RPTN: variants seen among roughly 807,000 people sequenced by gnomAD.
RPTN encodes the protein repetin.
A neutral mutation model predicts 3.6 loss-of-function variants in RPTN; 4 were observed. That is an observed-to-expected ratio of 1.12 (90% CI 0.55 to 2.55). The LOEUF (loss-of-function observed/expected upper bound fraction) is 2.55. Ranked by LOEUF, RPTN falls within the 30% of genes most tolerant of loss-of-function variation. The pLI is 0.02. For synonymous variants in RPTN, 293 were observed against 319.3 expected (o/e 0.92, Z 0.88); for missense variants, 860 against 916.7 (o/e 0.94, Z 0.80).
Position 152,155,528 on chromosome 1 carries a change from C to G in RPTN, c.1571G>C (p.Gly524Ala). The G allele has an allele frequency of 6.2e-7, 1 of 1,610,084 alleles. No individual in the cohort carries two copies. The highest frequency in any genetic ancestry group is 8.5e-7 in the Non-Finnish European group (1 of 1,178,436). ...TDRQGQSFHY[G>A]QPDRQGQSSH... Reference sequence around the variant, plus strand: ...ACTCTGGCCTTGTCTGTCTGGCTGACCATAGTGGAAACTCTGGCCTTGTCT... The same window carrying G: ...ACTCTGGCCTTGTCTGTCTGGCTGAGCATAGTGGAAACTCTGGCCTTGTCT... Residue 524 changes from glycine (G) to alanine (A), a missense_variant, in exon 3 of 3, where the codon GGT becomes GCT. By Grantham distance (60) the Gly-to-Ala change is moderately conservative (BLOSUM62 0). Transcript: ENST00000316073.
chr1:152,153,971 A>T lies in RPTN; in HGVS notation c.*773T>A, dbSNP rs1557823302. On this transcript the variant is annotated 3_prime_UTR_variant, in exon 3 of 3. Transcript: ENST00000316073. ...TTGAAATTCCTGATGTTTTATCCAC[A>T]GGAGCCAAAGCTCACCAAATCTAGG... 6.6e-6 allele frequency: 1 copy of T among 152,364 alleles called. No homozygotes were observed. The highest frequency in any genetic ancestry group is 1.9e-4 in the East Asian group (1 of 5,206). 9.4% of individuals were successfully genotyped at this position (152,364 alleles called of 1,614,324 possible).
chr1:152,158,389 G>C (rs1167849794), intron 1 of RPTN, among the ~76,000 whole-genome samples: 4 of 152,188 alleles, frequency 2.6e-5, no homozygotes, highest in African/African-American at 9.7e-5. Context: ...AAGGAAGAAG[G>C]CTGAAAGTCT....
chr1:152,156,051 C>A lies in RPTN; in HGVS notation c.1048G>T (p.Gly350Cys), dbSNP rs1659193731. 1 of 1,613,402 alleles carries A rather than the reference C, an allele frequency of 6.2e-7. No homozygotes were observed. Among genetic ancestry groups the A allele is most frequent in the Non-Finnish European group, 8.5e-7 (1 of 1,180,000 alleles). The change falls in exon 3 of 3, where the codon GGC (glycine) becomes TGC (cysteine). Residue 350 changes from glycine to cysteine, a missense_variant. Gly to Cys is a radical substitution (Grantham distance 159, BLOSUM62 -3). Coordinates refer to ENST00000316073, the MANE Select transcript of RPTN (RefSeq NM_001122965.1). ...SSHYGQMDRKGQCYHYDQTNR... is the reference protein window; with the variant it reads ...SSHYGQMDRKCQCYHYDQTNR... ...GTCTGATCATAATGATAACACTGGCCTTTTCTGTCCATTTGACCATAGTGG... is the reference window on the plus strand; with the variant it reads ...GTCTGATCATAATGATAACACTGGCATTTTCTGTCCATTTGACCATAGTGG...
chr1:152,154,678 C>T lies in RPTN; in HGVS notation c.*66G>A. 1 of 1,567,800 alleles carries T rather than the reference C, an allele frequency of 6.4e-7. No individual in the cohort carries two copies. The highest frequency in any genetic ancestry group is 8.7e-7 in the Non-Finnish European group (1 of 1,155,296). ...TCTGAGATCCTTGATACCTCTCTTTCTCCTCATAGTTTTGTCTATTATGTT... is the reference window on the plus strand; with the variant it reads ...TCTGAGATCCTTGATACCTCTCTTTTTCCTCATAGTTTTGTCTATTATGTT... On this transcript the variant is annotated 3_prime_UTR_variant, in exon 3 of 3. Transcript: ENST00000316073.
rs202081882 is a variant in RPTN, at chr1:152,155,618, T to C, written c.1481A>G (p.Asp494Gly). The change falls in exon 3 of 3, where the codon GAC (aspartate) becomes GGC (glycine). Residue 494 changes from aspartate (D) to glycine (G), a missense_variant. By Grantham distance (94) the Asp-to-Gly change is moderately conservative. Coordinates refer to ENST00000316073, the MANE Select transcript of RPTN (RefSeq NM_001122965.1). ...SSHYGKIDRQ[D>G]QSYHYGQPDG... ...TGGCTGACCATAATGATAACTCTGGTCTTGTCTGTCTATCTTACCATAGTG... is the reference window on the plus strand; with the variant it reads ...TGGCTGACCATAATGATAACTCTGGCCTTGTCTGTCTATCTTACCATAGTG... 1.5e-5 allele frequency: 24 copies of C among 1,581,146 alleles called. No homozygotes were observed. The highest frequency in any genetic ancestry group is 3.3e-4 in the Middle Eastern group (2 of 5,984).
chr1:152,154,598 A>C lies in RPTN; in HGVS notation c.*146T>G. ...GCCTTGGCTCTGGTCATCCTCTTTC[A>C]TGTGGAATTTTTCTCTGTTAGGACA... On this transcript the variant is annotated 3_prime_UTR_variant, in exon 3 of 3. Transcript: ENST00000316073. 8.9e-7 allele frequency: 1 copy of C among 1,120,872 alleles called. No individual in the cohort carries two copies. Among genetic ancestry groups the C allele is most frequent in the Non-Finnish European group, 1.3e-6 (1 of 775,494 alleles). 69.4% of individuals were successfully genotyped at this position (1,120,872 alleles called of 1,614,324 possible).
chr1:152,157,312 G>A (rs1262763866), intron 2 of RPTN, among the ~76,000 whole-genome samples: 4 of 152,174 alleles, frequency 2.6e-5, no homozygotes, highest in Non-Finnish European at 5.9e-5. Flanking sequence ...GGGAGGGGGA[G>A]CTGATTTTAT....
chr1:152,156,226 C>T lies in RPTN; in HGVS notation c.873G>A (p.Gln291=). 1 of 1,614,158 alleles carries T rather than the reference C, an allele frequency of 6.2e-7. No homozygotes were observed. The highest frequency in any genetic ancestry group is 8.5e-7 in the Non-Finnish European group (1 of 1,180,030). The change falls in exon 3 of 3, where the codon CAG becomes CAA. Residue 291 remains glutamine, a synonymous_variant. Coordinates refer to ENST00000316073, the MANE Select transcript of RPTN (RefSeq NM_001122965.1). ...TGTCCGTCTGACCGTAGTGGGAACT[C>T]TGGCCTTGTCTGTCTGTCTGACCAC... ...LGCGQTDRQG[Q]SSHYGQTDRQ... is the part of the protein sequence containing the mutation.
Position 152,154,521 on chromosome 1 carries a change from TC to T in RPTN, c.*222del. The stretch of plus-strand genomic sequence containing the variant: ...CCACGCTGTTCTCTGGTTTGGGGCC[TC>T]CCACTGCTCTGGGTTGGATAGAAGG... On this transcript the variant is annotated 3_prime_UTR_variant, in exon 3 of 3. Transcript: ENST00000316073. 4.5e-6 allele frequency: 3 copies of T among 664,270 alleles called. No homozygotes were observed. Among genetic ancestry groups the T allele is most frequent in the Admixed American group, 3.0e-5 (1 of 33,080 alleles). 41.1% of individuals were successfully genotyped at this position (664,270 alleles called of 1,614,324 possible). A position where few individuals can be genotyped will look rare whatever the true frequency, so the allele number is the denominator to read the frequency against.
rs1216748613 is a variant in RPTN at position 152,156,838 on chromosome 1, A to C, written c.261T>G (p.His87Gln). 1.2e-6 allele frequency: 2 copies of C among 1,614,174 alleles called. No individual in the cohort carries two copies. Among genetic ancestry groups the C allele is most frequent in the South Asian group, 2.2e-5 (2 of 91,082 alleles). The change falls in exon 3 of 3, where the codon CAT becomes CAG. Residue 87 changes from histidine to glutamine, a missense_variant. By Grantham distance (24) the His-to-Gln change is conservative. Coordinates refer to ENST00000316073, the MANE Select transcript of RPTN (RefSeq NM_001122965.1). ...LVFQLVQACYHKLDNKSHGGR... is the reference protein window; with the variant it reads ...LVFQLVQACYQKLDNKSHGGR... ...CTCCATGTGACTTATTGTCTAGCTT[A>C]TGATAGCAGGCTTGGACCAACTGGA...
Position 152,156,427 on chromosome 1 carries a change from A to G in RPTN, c.672T>C (p.His224=). 1 of 1,614,272 alleles carries G rather than the reference A, an allele frequency of 6.2e-7. No homozygotes were observed. Among genetic ancestry groups the G allele is most frequent in the Non-Finnish European group, 8.5e-7 (1 of 1,180,058 alleles). Residue 224 remains histidine, a synonymous_variant, in exon 3 of 3, where the codon CAT becomes CAC. Transcript: ENST00000316073. The part of the protein sequence containing the change: ...STSGQAKWQG[H]IFALNRCEKP... ...TTTCACACCGATTTAAGGCAAAGAT[A>G]TGTCCCTGCCATTTAGCCTGGCCAC... is the stretch of plus-strand genomic sequence containing the variant.
Position 152,156,420 on chromosome 1 carries a change from C to G in RPTN, c.679G>C (p.Ala227Pro), listed in dbSNP as rs763762951. ...GQAKWQGHIF[A>P]LNRCEKPIQD... ...ATTGGTTTTTCACACCGATTTAAGGCAAAGATATGTCCCTGCCATTTAGCC... is the reference window on the plus strand; with the variant it reads ...ATTGGTTTTTCACACCGATTTAAGGGAAAGATATGTCCCTGCCATTTAGCC... The change falls in exon 3 of 3, where the codon GCC becomes CCC. Residue 227 changes from alanine to proline, a missense_variant. Transcript: ENST00000316073. The G allele has an allele frequency of 9.9e-6, 16 of 1,614,144 alleles. No homozygotes were observed. In the East Asian group the frequency reaches 3.3e-4, roughly 34 times the overall value.
At chr1:152,158,562 T>C (rs996199047) in intron 1 of RPTN, among the ~76,000 whole-genome samples, 2 of 152,128 alleles carry the variant, frequency 1.3e-5, no homozygotes, top group African/African-American at 4.8e-5. Context: ...GCACAGATTA[T>C]AGGAGGTATA....
Position 152,154,729 on chromosome 1 carries a change from A to T in RPTN, c.*15T>A. On this transcript the variant is annotated 3_prime_UTR_variant, in exon 3 of 3. Transcript: ENST00000316073. ...GTTGCTGATGGTTTTGATCCTCTTC[A>T]TGAGTTTGCCTGTCTCATCTCTGAT... is the stretch of plus-strand genomic sequence containing the variant. 6.2e-7 allele frequency: 1 copy of T among 1,612,798 alleles called. No homozygotes were observed. The highest frequency in any genetic ancestry group is 8.5e-7 in the Non-Finnish European group (1 of 1,179,420).
chr1:152,153,832 G>T lies in RPTN; in HGVS notation c.*912C>A, dbSNP rs908632416. 1 of 152,412 alleles carries T rather than the reference G, an allele frequency of 6.6e-6. No homozygotes were observed. The highest frequency in any genetic ancestry group is 1.5e-5 in the Non-Finnish European group (1 of 68,036). The allele number at this position is 152,412 out of a possible 1,614,324, so 9.4% of individuals were successfully genotyped here. On this transcript the variant is annotated 3_prime_UTR_variant, in exon 3 of 3. Coordinates refer to ENST00000316073, the MANE Select transcript of RPTN (RefSeq NM_001122965.1). ...TAGGCACTAATGGACAGTCCCTCTG[G>T]TGTGGAATAAGAGCCTGGCATGGGA...
intron 1 of RPTN, 136 bp from the exon 2 acceptor site, chr1:152,158,045 C>T (rs1659242037): frequency 1.5e-6 from 1 of 653,054 alleles, no homozygotes; most frequent in Non-Finnish European, 2.6e-6. Context: ...GTACCCCTTC[C>T]TTGCCCTGAC....
chr1:152,155,548 TTGTC>T lies in RPTN; in HGVS notation c.1547_1550del (p.Arg516LysfsTer103), dbSNP rs757743659. On this transcript the variant is annotated frameshift_variant, in exon 3 of 3. Transcript: ENST00000316073. LOFTEE classifies it low-confidence loss of function (END_TRUNC). ...GCTGACCATAGTGGAAACTCTGGCC[TTGTC>T]TGTCTGTCTGACCATAGTGGGAACT... The T allele has an allele frequency of 1.2e-6, 2 of 1,611,778 alleles. No individual in the cohort carries two copies. Among genetic ancestry groups the T allele is most frequent in the South Asian group, 1.1e-5 (1 of 90,804 alleles).
At position 152,155,993 on chromosome 1, in the gene RPTN, T is replaced by C; in HGVS notation, c.1106A>G (p.Gln369Arg). ...GGAACTCTGACCTTGTCTGTTTGGT[T>C]GACTGTAGTGGGAACCCTGGCCTTG... Reference protein sequence around the residue: ...NRQGQGSHYSQPNRQGQSSHY... With the variant: ...NRQGQGSHYSRPNRQGQSSHY... The change falls in exon 3 of 3, where the codon CAA (glutamine) becomes CGA (arginine). Residue 369 changes from glutamine to arginine, a missense_variant. Gln to Arg is a conservative substitution (Grantham distance 43). Transcript: ENST00000316073. The C allele has an allele frequency of 6.2e-7, 1 of 1,613,688 alleles. No individual in the cohort carries two copies. The highest frequency in any genetic ancestry group is 1.1e-5 in the South Asian group (1 of 91,084).
In RPTN at chr1:152,155,172, G is replaced by T. The variant is rs1232816486; in HGVS notation, c.1927C>A (p.Gln643Lys). ...GGCTCCCATACCTGGTGGCCGTTCT[G>T]CTGTGAGTCCCTAGACTGGAATCCC... ...GQGFQSRDSQ[Q>K]NGHQVWEPEE... is the part of the protein sequence containing the mutation. Residue 643 changes from glutamine (Q) to lysine (K), a missense_variant, in exon 3 of 3, where the codon CAG (glutamine) becomes AAG (lysine). Physicochemically the swap from Gln to Lys is moderately conservative, Grantham distance 53. Coordinates refer to ENST00000316073, the MANE Select transcript of RPTN (RefSeq NM_001122965.1). The T allele has an allele frequency of 1.9e-6, 3 of 1,614,198 alleles. No individual in the cohort carries two copies. In the East Asian group the frequency reaches 6.7e-5, roughly 36 times the overall value.
Sources: gnomAD v4.1 joint callset for allele counts (sites outside exome capture counted in the v4.1 genomes callset) on GRCh38, gnomAD v4.1.1 for gene constraint, MANE v1.5 for transcripts, NCBI Gene and HGNC (gene_info 2026-07-23, HGNC 2026-07-21) for gene names.